Variants in ADARB2 observed in about 807,000 individuals in gnomAD.
ADARB2 encodes inactive double-stranded RNA-specific editase B2.
Under a neutral mutation model 62.2 loss-of-function variants are expected in ADARB2, and 25 were observed. That is an observed-to-expected ratio of 0.40 (90% CI 0.29 to 0.56). ADARB2 has a LOEUF of 0.56. Ranked by LOEUF, ADARB2 falls within the 20% of genes least tolerant of loss-of-function variation. The pLI is 0.43. For synonymous variants in ADARB2, 572 were observed against 500.8 expected (o/e 1.14, Z -1.90); for missense variants, 1,071 against 1,077.4 (o/e 0.99, Z 0.08).
intron 1 of ADARB2, among the ~76,000 whole-genome samples, chr10:1,522,902 A>C (rs1193086477): frequency 6.6e-6 from 1 of 152,150 alleles, no homozygotes; most frequent in Non-Finnish European, 1.5e-5. Flanking sequence ...GTGCCGCTCC[A>C]GTCCCCATGG....
chr10:1,641,853 A>C (rs1212107640), intron 1 of ADARB2, among the ~76,000 whole-genome samples: 1 of 152,148 alleles, frequency 6.6e-6, no homozygotes, highest in Non-Finnish European at 1.5e-5. Flanking sequence ...TCTCTACTAA[A>C]AATACAAAAA....
At chr10:1,212,489 G>C (rs1219233830) in intron 7 of ADARB2, among the ~76,000 whole-genome samples, 1 of 152,228 alleles carries the variant, frequency 6.6e-6, no homozygotes, top group East Asian at 1.9e-4. Context: ...CCAGAGCAGA[G>C]GCTCCGAGTG....
rs1836690196 is a variant in ADARB2 at position 1,182,503 on chromosome 10, TGG to T, written c.*688_*689del. On this transcript the variant is annotated 3_prime_UTR_variant, in exon 10 of 10. Transcript: ENST00000381312. ...AGGCTCCCCACATCTGCAGCACGCG[TGG>T]GCCGGGTGTTTCCAGGCTCCCCACG... 1 of 152,976 alleles carries T rather than the reference TGG, an allele frequency of 6.5e-6. No individual in the cohort carries two copies. Among genetic ancestry groups the T allele is most frequent in the African/African-American group, 2.4e-5 (1 of 41,434 alleles). The allele number at this position is 152,976 out of a possible 1,614,324, so 9.5% of individuals were successfully genotyped here.
intron 1 of ADARB2, among the ~76,000 whole-genome samples, chr10:1,516,170 C>T (rs192871848): frequency 3.9e-5 from 6 of 152,276 alleles, no homozygotes; most frequent in Admixed American, 2.0e-4. Flanking sequence ...GGCTCAAGGC[C>T]GGCCTCATTG....
chr10:1,408,767 C>A (rs1011956808), intron 1 of ADARB2, among the ~76,000 whole-genome samples: 2 of 152,202 alleles, frequency 1.3e-5, no homozygotes, highest in African/African-American at 4.8e-5. Flanking sequence ...GCCTCCCAGC[C>A]TCTGTGGACT....
intron 1 of ADARB2, among the ~76,000 whole-genome samples, chr10:1,434,167 T>C (rs1010756865): frequency 6.6e-6 from 1 of 151,928 alleles, no homozygotes; most frequent in Non-Finnish European, 1.5e-5. Context: ...AACACGAAGA[T>C]TCAGGTGAAG....
At chr10:1,621,057 T>C (rs1833698057) in intron 1 of ADARB2, among the ~76,000 whole-genome samples, 1 of 152,222 alleles carries the variant, frequency 6.6e-6, no homozygotes, top group Admixed American at 6.5e-5. Flanking sequence ...AAGGGAAGGA[T>C]GTCTACTTTC....
intron 1 of ADARB2, among the ~76,000 whole-genome samples, chr10:1,431,751 T>C (rs1830779222): frequency 6.6e-6 from 1 of 152,176 alleles, no homozygotes; most frequent in African/African-American, 2.4e-5. Flanking sequence ...AAATCTCTGG[T>C]ATTAGGAATG....
rs774580478 is a variant in ADARB2, at chr10:1,426,440, C to T, written c.101-47280G>A. On this transcript the variant is annotated intron_variant, in intron 1 of 9. Coordinates refer to ENST00000381312, the MANE Select transcript of ADARB2 (RefSeq NM_018702.4). The surrounding 1 kb of genome is among the most constrained non-coding windows in gnomAD (Gnocchi z 4.1). ...GCTGTAAAACCGAAGCCCTCTTCTG[C>T]GTGGCGATTTGGAGAACACAGTCAG... is the stretch of plus-strand genomic sequence containing the variant. 3.9e-5 allele frequency among the ~76,000 whole-genome samples: 6 copies of T among 152,076 alleles called. No individual in the cohort carries two copies. In the East Asian group the frequency reaches 9.7e-4, roughly 25 times the overall value.
chr10:1,629,368 C>T (rs1011888635), intron 1 of ADARB2, among the ~76,000 whole-genome samples: 13 of 152,138 alleles, frequency 8.5e-5, no homozygotes, highest in Non-Finnish European at 1.8e-4. Flanking sequence ...GAGACCTCCT[C>T]ATCGTGATGG....
intron 1 of ADARB2, among the ~76,000 whole-genome samples, chr10:1,576,997 G>A (rs1246978992): frequency 1.3e-5 from 2 of 152,150 alleles, no homozygotes; most frequent in Non-Finnish European, 2.9e-5. Context: ...GCCCGGGGAG[G>A]CTCAGCAGGT....
intron 7 of ADARB2, among the ~76,000 whole-genome samples, chr10:1,202,746 A>G (rs899630590): frequency 6.6e-6 from 1 of 152,226 alleles, no homozygotes; most frequent in Admixed American, 6.5e-5. Context: ...AAGCAGGGAA[A>G]GGTACATTTC....
chr10:1,462,797 G>C (rs1228307030), intron 1 of ADARB2, among the ~76,000 whole-genome samples: 1 of 151,924 alleles, frequency 6.6e-6, no homozygotes, highest in Non-Finnish European at 1.5e-5. Context: ...GTGTGCATGT[G>C]TATGTACATG....
chr10:1,470,960 G>T (rs1831314196), intron 1 of ADARB2, among the ~76,000 whole-genome samples: 1 of 152,182 alleles, frequency 6.6e-6, no homozygotes, highest in South Asian at 2.1e-4. Context: ...TCGGGAGGCT[G>T]AGGCAGGAGA....
At chr10:1,291,232 C>T (rs180796953) in intron 3 of ADARB2, 2 of 152,378 alleles carry the variant, frequency 1.3e-5, no homozygotes, top group Non-Finnish European at 2.9e-5. Context: ...TTACACAGGC[C>T]TCCAGTGCCA....
intron 3 of ADARB2, among the ~76,000 whole-genome samples, chr10:1,319,513 A>T (rs1272777471): frequency 6.6e-6 from 1 of 152,258 alleles, no homozygotes; most frequent in African/African-American, 2.4e-5. Flanking sequence ...AGACATATTC[A>T]GATAATAGCT....
chr10:1,400,612 G>A (rs944566645), intron 1 of ADARB2, among the ~76,000 whole-genome samples: 50 of 152,170 alleles, frequency 3.3e-4, no homozygotes, highest in African/African-American at 1.2e-3. Flanking sequence ...AAGACACCAT[G>A]CAGTAAAGCA....
At chr10:1,639,935 C>T (rs1205960233) in intron 1 of ADARB2, among the ~76,000 whole-genome samples, 2 of 152,182 alleles carry the variant, frequency 1.3e-5, no homozygotes, top group African/African-American at 2.4e-5. Context: ...AAAGCCATGA[C>T]CTGCCCTTCT....
intron 1 of ADARB2, among the ~76,000 whole-genome samples, chr10:1,502,208 T>C (rs1831775702): frequency 6.6e-6 from 1 of 152,236 alleles, no homozygotes; most frequent in South Asian, 2.1e-4. Context: ...GCCCGGCCCC[T>C]CCTGCACCTG....
Sources: allele counts gnomAD v4.1 joint callset (sites outside exome capture counted in the v4.1 genomes callset), GRCh38; gene constraint gnomAD v4.1.1; non-coding constraint Gnocchi (gnomAD v3.1); transcripts MANE v1.5; gene names NCBI Gene and HGNC (gene_info 2026-07-23, HGNC 2026-07-21).